DCC: variants seen among roughly 807,000 people sequenced by gnomAD.
The protein encoded by DCC is netrin receptor DCC.
A neutral mutation model predicts 172.5 loss-of-function variants in DCC; 58 were observed. That is an observed-to-expected ratio of 0.34 (90% CI 0.27 to 0.42). The LOEUF is 0.42. Among genes scored for constraint, DCC ranks in the 10% least tolerant of loss-of-function variants. The pLI is 1.00. For synonymous variants in DCC, 709 were observed against 644.5 expected, an observed-to-expected ratio of 1.10 and a Z score of -1.52; for missense variants, 1,740 against 1,791.0, an observed-to-expected ratio of 0.97 and a Z score of 0.51.
At position 52,581,902 on chromosome 18, in the gene DCC, G is replaced by C. The variant is rs146594414; in HGVS notation, c.92-170152G>C. On this transcript the variant is annotated intron_variant, in intron 1 of 28. Coordinates refer to ENST00000442544, the MANE Select transcript of DCC (RefSeq NM_005215.4). ...CCAGAAATTAATCACCAGACTTAGGGTGATGAACTAACTATTGGTGGTCAT... is the reference window on the plus strand; with the variant it reads ...CCAGAAATTAATCACCAGACTTAGGCTGATGAACTAACTATTGGTGGTCAT... Among the ~76,000 whole-genome samples, 193 of 152,270 alleles carry C rather than the reference G, an allele frequency of 1.3e-3. 1 individual carries two copies. The highest frequency in any genetic ancestry group is 4.4e-3 in the African/African-American group (183 of 41,560).
At chr18:53,261,535 T>G (rs1430876042) in intron 12 of DCC, among the ~76,000 whole-genome samples, 1 of 152,106 alleles carries the variant, frequency 6.6e-6, no homozygotes, top group Non-Finnish European at 1.5e-5. Flanking sequence ...TTCCTGCTTG[T>G]TTTGAGGTGG....
chr18:53,258,032 G>T (rs1568395803), intron 12 of DCC, among the ~76,000 whole-genome samples: 1 of 152,128 alleles, frequency 6.6e-6, no homozygotes, highest in Non-Finnish European at 1.5e-5. Flanking sequence ...ATGGTAGCTT[G>T]TATTTCTGTG....
intron 27 of DCC, among the ~76,000 whole-genome samples, chr18:53,506,639 C>A (rs2046180016): frequency 6.6e-6 from 1 of 152,084 alleles, no homozygotes; most frequent in South Asian, 2.1e-4. Context: ...AGGCAGATTG[C>A]CTGAGCTCAG....
At chr18:52,607,450 T>C (rs1334351034) in intron 1 of DCC, among the ~76,000 whole-genome samples, 1 of 152,134 alleles carries the variant, frequency 6.6e-6, no homozygotes, top group Non-Finnish European at 1.5e-5. Context: ...CTAAAGGTAA[T>C]GAGCAAATTC....
chr18:52,397,910 A>AATGT (rs1395368784), intron 1 of DCC, among the ~76,000 whole-genome samples: 2 of 152,002 alleles, frequency 1.3e-5, no homozygotes, highest in Non-Finnish European at 2.9e-5. Flanking sequence ...TCATGTAAAA[A>AATGT]ATGTAGGAAA....
At chr18:52,783,461 TAAC>T (rs1863766510) in intron 2 of DCC, among the ~76,000 whole-genome samples, 1 of 150,138 alleles carries the variant, frequency 6.7e-6, no homozygotes, top group Admixed American at 6.7e-5. Context: ...ACTTGAGACC[TAAC>T]AACACCCTCT....
At chr18:52,343,896 G>C (rs117439511) in intron 1 of DCC, among the ~76,000 whole-genome samples, 1 of 151,976 alleles carries the variant, frequency 6.6e-6, no homozygotes, top group African/African-American at 2.4e-5. Context: ...CTGAGGGCTC[G>C]GGGTAGGCTG....
intron 1 of DCC, among the ~76,000 whole-genome samples, chr18:52,437,762 C>T (rs1461293428): frequency 6.6e-6 from 1 of 152,108 alleles, no homozygotes; most frequent in East Asian, 1.9e-4. Flanking sequence ...AAAATTTAAC[C>T]ACTAGGTCTT....
intron 27 of DCC, among the ~76,000 whole-genome samples, chr18:53,502,190 T>C (rs2046109254): frequency 6.6e-6 from 1 of 152,014 alleles, no homozygotes; most frequent in Non-Finnish European, 1.5e-5. Context: ...CTGGCTAGAG[T>C]TTTTGTTTGA....
Position 52,478,320 on chromosome 18 carries a change from T to C in DCC, c.91+137442T>C, listed in dbSNP as rs73955692. 5.2e-3 allele frequency among the ~76,000 whole-genome samples: 788 copies of C among 152,312 alleles called. 5 individuals carry two copies. Among genetic ancestry groups the C allele is most frequent in the African/African-American group, 0.018 (738 of 41,574 alleles). ...GTCTTTTCTTTGACCTATTTCCTCA[T>C]ATCTATGTTCTCTGCTAGGTTAATC... On this transcript the variant is annotated intron_variant, in intron 1 of 28. Transcript: ENST00000442544.
At chr18:52,931,906 T>C (rs1304625483) in intron 5 of DCC, 1 of 152,020 alleles carries the variant, frequency 6.6e-6, no homozygotes, top group Non-Finnish European at 1.5e-5. Flanking sequence ...TTACAATTCG[T>C]AAAATCAGTT....
At chr18:52,784,901 G>A (rs1371916244) in intron 2 of DCC, among the ~76,000 whole-genome samples, 1 of 147,734 alleles carries the variant, frequency 6.8e-6, no homozygotes, top group East Asian at 2.1e-4. Context: ...TCCTAGGGAG[G>A]TGGAGGGGGA....
chr18:53,157,285 G>A, intron 7 of DCC, 71 bp from the exon 8 acceptor site: 1 of 1,598,906 alleles, frequency 6.3e-7, no homozygotes, highest in Non-Finnish European at 8.6e-7. Context: ...TAATAGGTTG[G>A]CTCTGCCTTC....
chr18:53,163,236 G>T (rs1273020923), intron 8 of DCC, among the ~76,000 whole-genome samples: 1 of 151,538 alleles, frequency 6.6e-6, no homozygotes, highest in Non-Finnish European at 1.5e-5. Context: ...GGTAGAGGTG[G>T]CAGAGAGATA....
chr18:53,476,136 G>A lies in DCC; in HGVS notation c.3736+8126G>A, dbSNP rs192188787. Among the ~76,000 whole-genome samples the A allele has an allele frequency of 2.1e-3, 327 of 152,288 alleles. 4 individuals carry two copies. The highest frequency in any genetic ancestry group is 2.5e-3 in the Non-Finnish European group (168 of 68,036). ...ATGCCTGTAACCCCATTTTATATAG[G>A]AAGTAACTAACTTGCTTTTGATTTT... is the stretch of plus-strand genomic sequence containing the variant. On this transcript the variant is annotated intron_variant, in intron 25 of 28. Coordinates refer to ENST00000442544, the MANE Select transcript of DCC (RefSeq NM_005215.4).
intron 1 of DCC, among the ~76,000 whole-genome samples, chr18:52,538,839 C>T (rs2032359316): frequency 6.6e-6 from 1 of 151,996 alleles, no homozygotes; most frequent in African/African-American, 2.4e-5. Context: ...TTGTACTTTC[C>T]CACAGAGCTG....
At chr18:53,430,770 A>T (rs1307589523) in intron 21 of DCC, among the ~76,000 whole-genome samples, 1 of 152,176 alleles carries the variant, frequency 6.6e-6, no homozygotes, top group Non-Finnish European at 1.5e-5. Context: ...GGACATTGAG[A>T]ACACATTTTT....
chr18:52,890,486 G>T (rs942151145), intron 2 of DCC, among the ~76,000 whole-genome samples: 5 of 152,036 alleles, frequency 3.3e-5, no homozygotes, highest in African/African-American at 1.2e-4. Context: ...GTACATATCA[G>T]GTAAGAAATT....
chr18:52,798,905 G>A (rs943370735), intron 2 of DCC, among the ~76,000 whole-genome samples: 1 of 151,880 alleles, frequency 6.6e-6, no homozygotes, highest in Non-Finnish European at 1.5e-5. Context: ...CTGCCACCAC[G>A]CCCAGCTAAT....
Sources: allele counts gnomAD v4.1 joint callset (sites outside exome capture counted in the v4.1 genomes callset), GRCh38; gene constraint gnomAD v4.1.1; transcripts MANE v1.5; gene names NCBI Gene and HGNC (gene_info 2026-07-23, HGNC 2026-07-21).